DOCK6: variants seen among roughly 807,000 people sequenced by gnomAD.
DOCK6 encodes the protein dedicator of cytokinesis 6.
A neutral mutation model predicts 230.3 loss-of-function variants in DOCK6; 167 were observed. The observed-to-expected ratio is 0.73, with a 90% confidence interval of 0.64 to 0.82. The LOEUF (loss-of-function observed/expected upper bound fraction) is 0.82, where lower values mean the gene tolerates loss of function less well. DOCK6 is among the 40% of genes least tolerant of loss of function. DOCK6 has a pLI of 0.00. For missense variants in DOCK6, 2,598 were observed against 2,825.8 expected, an observed-to-expected ratio of 0.92 and a Z score of 1.83; for synonymous variants, 1,148 against 1,185.0, an observed-to-expected ratio of 0.97 and a Z score of 0.64.
At position 11,209,034 on chromosome 19, in the gene DOCK6, G is replaced by T; in HGVS notation, c.4821C>A (p.His1607Gln). Reference protein sequence around the residue: ...LTWLQNMAGKHAELGNHAEAA... With the variant: ...LTWLQNMAGKQAELGNHAEAA... ...CCTCGGCGTGGTTGCCCAGCTCCGC[G>T]TGCTTCCCGGCCATGTTCTGCAACC... The change falls in exon 38 of 48, where the codon CAC becomes CAA. Residue 1607 changes from histidine to glutamine, a missense_variant. Physicochemically the swap from His to Gln is conservative, Grantham distance 24. Transcript: ENST00000294618. 1 of 1,612,082 alleles carries T rather than the reference G, an allele frequency of 6.2e-7. No homozygotes were observed. The highest frequency in any genetic ancestry group is 1.3e-5 in the African/African-American group (1 of 74,978).
Position 11,238,241 on chromosome 19 carries a change from G to T in DOCK6, c.1707C>A (p.Asn569Lys), listed in dbSNP as rs758580727. 4.3e-6 allele frequency: 7 copies of T among 1,613,362 alleles called. No homozygotes were observed. Among genetic ancestry groups the T allele is most frequent in the Non-Finnish European group, 5.1e-6 (6 of 1,179,542 alleles). Residue 569 changes from asparagine to lysine, a missense_variant, in exon 15 of 48, where the codon AAC becomes AAA. Physicochemically the swap from Asn to Lys is moderately conservative, Grantham distance 94 (BLOSUM62 0). Coordinates refer to ENST00000294618, the MANE Select transcript of DOCK6 (RefSeq NM_020812.4). ...TCATGTACTGCACTCGCACAGCAAGGTTGCGCACGGAGCCCTGGCGGCTGC... is the reference window on the plus strand; with the variant it reads ...TCATGTACTGCACTCGCACAGCAAGTTTGCGCACGGAGCCCTGGCGGCTGC... ...NFSSRQGSVR[N>K]LAVRVQYMTG... is the part of the protein sequence containing the mutation.
chr19:11,203,765 CA>C (rs1417171404), intron 41 of DOCK6: 1 of 499,226 alleles, frequency 2.0e-6, no homozygotes, highest in Non-Finnish European at 3.6e-6. Context: ...AGAAAGAGAC[CA>C]AGAGACCATG....
rs1004752566 is a variant in DOCK6 at position 11,235,641 on chromosome 19, G to A, written c.2511C>T (p.His837=). The A allele has an allele frequency of 1.6e-5, 26 of 1,603,652 alleles. No individual in the cohort carries two copies. The highest frequency in any genetic ancestry group is 1.6e-4 in the Middle Eastern group (1 of 6,066). Residue 837 remains histidine (H), a synonymous_variant, in exon 21 of 48, where the codon CAC becomes CAT. Coordinates refer to ENST00000294618, the MANE Select transcript of DOCK6 (RefSeq NM_020812.4). ...GHCPQLAAYV[H]YAFRLPGTEP... Reference sequence around the variant, plus strand: ...CAGTGCCAGGAAGGCGAAAGGCGTAGTGGACGTAGGCAGCCAGCTGTGGGC... The same window carrying A: ...CAGTGCCAGGAAGGCGAAAGGCGTAATGGACGTAGGCAGCCAGCTGTGGGC...
At chr19:11,228,497 T>G (rs2079706192) in intron 23 of DOCK6, among the ~76,000 whole-genome samples, 1 of 147,020 alleles carries the variant, frequency 6.8e-6, no homozygotes, top group African/African-American at 2.5e-5. Flanking sequence ...CCCTAGGTTG[T>G]GGGGGGGGGT....
chr19:11,240,455 C>T (rs2079925581), intron 14 of DOCK6, among the ~76,000 whole-genome samples: 1 of 152,188 alleles, frequency 6.6e-6, no homozygotes, highest in Non-Finnish European at 1.5e-5. Context: ...TTGTGTGCCT[C>T]AGTTTCCCTT....
Position 11,216,905 on chromosome 19 carries a change from C to T in DOCK6, c.3894+9G>A, listed in dbSNP as rs373392998. 1.7e-5 allele frequency: 28 copies of T among 1,613,380 alleles called. No individual in the cohort carries two copies. In the African/African-American group the frequency reaches 3.7e-4, roughly 22 times the overall value. On this transcript the variant is annotated intron_variant, in intron 30 of 47. Transcript: ENST00000294618. ...CCTCCTCCATCATCTCCTGCCCACG[C>T]CCTCAAACCTTGTACTCAAAGGCAG... is the stretch of plus-strand genomic sequence containing the variant.
In DOCK6 at chr19:11,217,234, TG is replaced by T; in HGVS notation, c.3707del (p.Pro1236GlnfsTer26). Reference protein sequence around the residue: ...GSRASISQGPPTASRAGCALS... With the variant: ...GSRASISQGPXTASRAGCALS... ...GGGGACAAGCCTCCCTACTCACCGTTGGTGGCCCCTGGGAGATGCTGGCCCG... is the reference window on the plus strand; with the variant it reads ...GGGGACAAGCCTCCCTACTCACCGTTGTGGCCCCTGGGAGATGCTGGCCCG... On this transcript the variant is annotated frameshift_variant, in exon 29 of 48. Coordinates refer to ENST00000294618, the MANE Select transcript of DOCK6 (RefSeq NM_020812.4). LOFTEE classifies it high-confidence loss of function. 6.2e-7 allele frequency: 1 copy of T among 1,612,108 alleles called. No homozygotes were observed. The highest frequency in any genetic ancestry group is 8.5e-7 in the Non-Finnish European group (1 of 1,179,124).
intron 20 of DOCK6, 147 bp from the exon 21 acceptor site, chr19:11,235,906 A>C: frequency 2.0e-6 from 2 of 1,005,322 alleles, no homozygotes; most frequent in Non-Finnish European, 2.6e-6. Flanking sequence ...TTTGAGATGG[A>C]GTCTTGCTCT....
Position 11,201,833 on chromosome 19 carries a change from A to G in DOCK6, c.5688+56T>C. 12 of 585,732 alleles carry G rather than the reference A, an allele frequency of 2.0e-5. No homozygotes were observed. Among genetic ancestry groups the G allele is most frequent in the East Asian group, 8.7e-5 (2 of 22,916 alleles). 36.3% of individuals were successfully genotyped at this position (585,732 alleles called of 1,614,324 possible). On this transcript the variant is annotated intron_variant, in intron 44 of 47. Transcript: ENST00000294618. This position sits in a 1 kb window ranked among gnomAD's most constrained non-coding sequence, Gnocchi z 4.3. ...TGTGTCTACCCTCCCCTCCCCTCCC[A>G]GGGTCTGATGTCCCCTCACCTCCCC...
intron 36 of DOCK6, 37 bp downstream of exon 36, chr19:11,211,956 T>A: frequency 3.9e-6 from 6 of 1,549,056 alleles, no homozygotes; most frequent in Non-Finnish European, 5.3e-6. Flanking sequence ...GGGAGTTATA[T>A]GAAGGGGAGG....
intron 14 of DOCK6, among the ~76,000 whole-genome samples, chr19:11,241,096 A>T (rs1344817052): frequency 6.6e-6 from 1 of 151,978 alleles, no homozygotes; most frequent in East Asian, 1.9e-4. Flanking sequence ...AATACAAAAA[A>T]TTAGCTGGGC....
chr19:11,219,468 A>G (rs1279961432), intron 28 of DOCK6, among the ~76,000 whole-genome samples: 1 of 151,168 alleles, frequency 6.6e-6, no homozygotes, highest in Non-Finnish European at 1.5e-5. Context: ...GACTACAGGC[A>G]TGAGCCACTG....
In DOCK6 at chr19:11,200,484, G is replaced by A. The variant is rs747944632; in HGVS notation, c.5940-15C>T. The A allele has an allele frequency of 1.2e-6, 2 of 1,607,176 alleles. No individual in the cohort carries two copies. Among genetic ancestry groups the A allele is most frequent in the South Asian group, 2.2e-5 (2 of 89,444 alleles). ...CATCCTCACATCTGAGGGCCAGAGG[G>A]TGGGAGATGCTCAGAGACTCGCACA... On this transcript the variant is annotated splice_polypyrimidine_tract_variant and intron_variant, in intron 46 of 47. Transcript: ENST00000294618. The surrounding 1 kb of genome is among the most constrained non-coding windows in gnomAD (Gnocchi z 4.3).
At chr19:11,249,497 C>A (rs762974330) in intron 6 of DOCK6, among the ~76,000 whole-genome samples, 3 of 147,314 alleles carry the variant, frequency 2.0e-5, no homozygotes, top group Non-Finnish European at 4.5e-5. Context: ...GGTGACAGAA[C>A]GAGACTTGTC....
At chr19:11,213,436 C>T in intron 34 of DOCK6, 108 bp from the exon 35 acceptor site, 1 of 1,468,322 alleles carries the variant, frequency 6.8e-7, no homozygotes, top group Non-Finnish European at 9.1e-7. Flanking sequence ...GTTCTGTCCT[C>T]TTTGGCCAAG....
In DOCK6 at chr19:11,202,456, C is replaced by T. The variant is rs770309626; in HGVS notation, c.5389G>A (p.Asp1797Asn). The part of the protein sequence containing the change: ...EEFYTERFGD[D>N]VVEIIKDSNP... ...GAGTCTTTGATAATCTCAACGACGT[C>T]GTCGCCAAATCTCTCCGTGTAGAAC... The change falls in exon 43 of 48, where the codon GAC becomes AAC. Residue 1797 changes from aspartate to asparagine, a missense_variant. Coordinates refer to ENST00000294618, the MANE Select transcript of DOCK6 (RefSeq NM_020812.4). The surrounding 1 kb of genome is among the most constrained non-coding windows in gnomAD (Gnocchi z 5.3). The T allele has an allele frequency of 5.7e-5, 92 of 1,613,388 alleles. No homozygotes were observed. Among genetic ancestry groups the T allele is most frequent in the Non-Finnish European group, 6.8e-5 (80 of 1,179,644 alleles).
intron 6 of DOCK6, among the ~76,000 whole-genome samples, chr19:11,248,951 T>C (rs2080076435): frequency 6.6e-6 from 1 of 152,182 alleles, no homozygotes; most frequent in South Asian, 2.1e-4. Context: ...TATAGGGATA[T>C]ACACCCAATA....
Position 11,259,925 on chromosome 19 carries a change from C to T in DOCK6, c.44+2472G>A, listed in dbSNP as rs1428596417. Among the ~76,000 whole-genome samples, 77 of 96,114 alleles carry T rather than the reference C, an allele frequency of 8.0e-4. No homozygotes were observed. The Middle Eastern group carries it at 0.043, about 53-fold the overall frequency. 63.1% of individuals were successfully genotyped at this position (96,114 alleles called of 152,430 possible). On this transcript the variant is annotated intron_variant, in intron 1 of 47. Transcript: ENST00000294618. ...TTGAGACAGAGTCTTACTCTGTCAC[C>T]CAGGCTGGAGTGCAGTGGCACGATC... is the stretch of plus-strand genomic sequence containing the variant.
chr19:11,229,292 C>A, intron 22 of DOCK6: 4 of 1,276,800 alleles, frequency 3.1e-6, no homozygotes, highest in Non-Finnish European at 4.0e-6. Flanking sequence ...CACCTCCCCC[C>A]ACTACCTTCT....
Sources: allele counts gnomAD v4.1 joint callset (sites outside exome capture counted in the v4.1 genomes callset), GRCh38; gene constraint gnomAD v4.1.1; non-coding constraint Gnocchi (gnomAD v3.1); transcripts MANE v1.5; gene names NCBI Gene and HGNC (gene_info 2026-07-23, HGNC 2026-07-21).